The following ARSB variants were observed in gnomAD, a reference collection of about 807,000 sequenced individuals.
The protein encoded by ARSB is N-acetylgalactosamine-4-sulfatase.
A neutral mutation model predicts 50.9 loss-of-function variants in ARSB; 41 were observed. That is an observed-to-expected ratio of 0.81 (90% confidence interval 0.63 to 1.04). The LOEUF (loss-of-function observed/expected upper bound fraction) is 1.04, where lower values mean the gene tolerates loss of function less well. Ranked by LOEUF, ARSB falls within the 50% of genes least tolerant of loss-of-function variation. The probability of loss-of-function intolerance (pLI) is 0.00; values close to 1 mark genes in which losing one functional copy is unlikely to be tolerated. For synonymous variants in ARSB, 269 were observed against 284.8 expected (o/e 0.94, Z 0.56); for missense variants, 672 against 693.3 (o/e 0.97, Z 0.35).
chr5:78,959,278 C>A (rs1439071664), intron 3 of ARSB, among the ~76,000 whole-genome samples: 1 of 152,098 alleles, frequency 6.6e-6, no homozygotes, highest in African/African-American at 2.4e-5. Context: ...GAGGCCTCCC[C>A]AGCCATGTGG....
intron 1 of ARSB, among the ~76,000 whole-genome samples, chr5:78,973,105 G>A (rs1752531323): frequency 6.6e-6 from 1 of 152,152 alleles, no homozygotes; most frequent in Non-Finnish European, 1.5e-5. Flanking sequence ...ACAGAGCCAC[G>A]CCATGCTGCA....
intron 6 of ARSB, among the ~76,000 whole-genome samples, chr5:78,838,368 G>A (rs1177909656): frequency 6.6e-6 from 1 of 152,220 alleles, no homozygotes; most frequent in Admixed American, 6.5e-5. Flanking sequence ...CAAGTGTCTA[G>A]GAAGTGAGAA....
At chr5:78,958,081 G>A (rs549227817) in intron 3 of ARSB, among the ~76,000 whole-genome samples, 5 of 152,216 alleles carry the variant, frequency 3.3e-5, no homozygotes, top group Non-Finnish European at 7.4e-5. Context: ...AAAGGCTGGA[G>A]TATGAGAAAC....
At chr5:78,850,246 T>C (rs1482679558) in intron 5 of ARSB, among the ~76,000 whole-genome samples, 59 of 152,260 alleles carry the variant, frequency 3.9e-4, no homozygotes, top group Non-Finnish European at 6.9e-4. Flanking sequence ...AATACCTAAT[T>C]TATTGAGAGT....
chr5:78,794,301 A>AT (rs749379908), intron 6 of ARSB, among the ~76,000 whole-genome samples: 2 of 152,190 alleles, frequency 1.3e-5, no homozygotes, highest in Non-Finnish European at 2.9e-5. Context: ...CAAAAGGGCA[A>AT]TTCTAATTCA....
At chr5:78,870,991 A>G (rs1470529801) in intron 5 of ARSB, among the ~76,000 whole-genome samples, 2 of 151,942 alleles carry the variant, frequency 1.3e-5, no homozygotes, top group Non-Finnish European at 2.9e-5. Context: ...ATCAATATAC[A>G]AAAATCACAA....
chr5:78,953,998 T>C (rs914607729), intron 4 of ARSB, among the ~76,000 whole-genome samples: 1 of 150,610 alleles, frequency 6.6e-6, no homozygotes, highest in African/African-American at 2.4e-5. Flanking sequence ...CACAAAAGAG[T>C]TGCTGGTAAT....
chr5:78,821,266 G>A (rs1387766775), intron 6 of ARSB, among the ~76,000 whole-genome samples: 1 of 152,266 alleles, frequency 6.6e-6, no homozygotes, highest in African/African-American at 2.4e-5. Flanking sequence ...CTCCTGAGTA[G>A]CTGGGATTAC....
In ARSB at chr5:78,878,045, C is replaced by G. The variant is rs557384866; in HGVS notation, c.1142+7539G>C. ...AGAAAAAAATCAAAAACCTTAAAGG[C>G]TTAGAAATAGAAACTGCCCAAAATG... is the stretch of plus-strand genomic sequence containing the variant. On this transcript the variant is annotated intron_variant, in intron 5 of 7. Transcript: ENST00000264914. 2.0e-5 allele frequency among the ~76,000 whole-genome samples: 3 copies of G among 152,136 alleles called. No homozygotes were observed. In the East Asian group the frequency reaches 5.8e-4, roughly 29 times the overall value.
chr5:78,815,701 T>C lies in ARSB; in HGVS notation c.1213+23655A>G, dbSNP rs776986206. The C allele has an allele frequency of 1.1e-4, 118 of 1,048,334 alleles. 5 individuals are homozygous for C. The highest frequency in any genetic ancestry group is 1.3e-4 in the Non-Finnish European group (117 of 868,984). 64.9% of individuals were successfully genotyped at this position (1,048,334 alleles called of 1,614,324 possible). A position where few individuals can be genotyped will look rare whatever the true frequency, so the allele number is the denominator to read the frequency against. On this transcript the variant is annotated intron_variant, in intron 6 of 7. Coordinates refer to ENST00000264914, the MANE Select transcript of ARSB (RefSeq NM_000046.5). Reference sequence around the variant, plus strand: ...CAAAAGTAAGCTACATGTGCCATATTACTGTAAGACAAGTATAAAGGGCTT... The same window carrying C: ...CAAAAGTAAGCTACATGTGCCATATCACTGTAAGACAAGTATAAAGGGCTT...
intron 5 of ARSB, among the ~76,000 whole-genome samples, chr5:78,848,655 A>T (rs1227625349): frequency 2.6e-5 from 4 of 152,150 alleles, no homozygotes; most frequent in Non-Finnish European, 5.9e-5. Context: ...ACTGACTTCC[A>T]CAATGGTTGA....
chr5:78,844,434 T>C (rs1745357645), intron 5 of ARSB, among the ~76,000 whole-genome samples: 1 of 152,202 alleles, frequency 6.6e-6, no homozygotes, highest in East Asian at 1.9e-4. Context: ...ATATATTCTA[T>C]TTGCAAGTCC....
At chr5:78,984,174 G>A (rs751144238) in intron 1 of ARSB, among the ~76,000 whole-genome samples, 11 of 152,124 alleles carry the variant, frequency 7.2e-5, no homozygotes, top group Non-Finnish European at 1.2e-4. Context: ...CTGTAAAACG[G>A]GGTAAAAACA....
chr5:78,881,144 A>G (rs1295583426), intron 5 of ARSB, among the ~76,000 whole-genome samples: 1 of 152,060 alleles, frequency 6.6e-6, no homozygotes, highest in Admixed American at 6.6e-5. Context: ...AGACATGAGA[A>G]CCGCTTGAAC....
intron 4 of ARSB, among the ~76,000 whole-genome samples, chr5:78,920,140 C>G (rs988749766): frequency 6.6e-6 from 1 of 152,172 alleles, no homozygotes; most frequent in Non-Finnish European, 1.5e-5. Flanking sequence ...GAAAGGGTAA[C>G]AAGTGTGTTC....
intron 5 of ARSB, among the ~76,000 whole-genome samples, chr5:78,857,201 T>A (rs188143091): frequency 6.6e-6 from 1 of 152,236 alleles, no homozygotes; most frequent in African/African-American, 2.4e-5. Context: ...GCTCCCTTTA[T>A]GAAACACACT....
At chr5:78,916,556 T>C (rs1330272981) in intron 4 of ARSB, among the ~76,000 whole-genome samples, 2 of 152,240 alleles carry the variant, frequency 1.3e-5, no homozygotes, top group Non-Finnish European at 1.5e-5. Context: ...TTTCTCTTAT[T>C]GATAAAAACA....
intron 1 of ARSB, among the ~76,000 whole-genome samples, chr5:78,977,549 C>T (rs563494403): frequency 3.9e-5 from 6 of 152,210 alleles, no homozygotes; most frequent in Admixed American, 6.5e-5. Flanking sequence ...AGTACAGTGG[C>T]GTAACTTGCT....
chr5:78,790,924 A>G (rs1749218012), intron 6 of ARSB, among the ~76,000 whole-genome samples: 2 of 152,234 alleles, frequency 1.3e-5, no homozygotes, highest in Admixed American at 1.3e-4. Flanking sequence ...GGGTTGGGGT[A>G]AAAAGGATTT....
Sources: gnomAD v4.1 joint callset for allele counts (sites outside exome capture counted in the v4.1 genomes callset) on GRCh38, gnomAD v4.1.1 for gene constraint, MANE v1.5 for transcripts, NCBI Gene and HGNC (gene_info 2026-07-23, HGNC 2026-07-21) for gene names.